The following ARMC9 variants were observed in gnomAD, a reference collection of about 807,000 sequenced individuals.
ARMC9 encodes the protein armadillo repeat containing 9.
Under a neutral mutation model 107.0 loss-of-function variants are expected in ARMC9, and 94 were observed. The observed-to-expected ratio is 0.88, with a 90% CI of 0.74 to 1.04. The LOEUF is 1.04. ARMC9 is among the 50% of genes least tolerant of loss of function. ARMC9 has a pLI of 0.00. For synonymous variants in ARMC9, 380 were observed against 396.9 expected (o/e 0.96, Z 0.51); for missense variants, 942 against 1,030.1 (o/e 0.91, Z 1.17).
chr2:231,347,354 T>C lies in ARMC9; in HGVS notation c.1994+2264T>C, dbSNP rs144134877. 1.4e-4 allele frequency among the ~76,000 whole-genome samples: 21 copies of C among 152,212 alleles called. 1 individual carries two copies. The East Asian group carries it at 3.9e-3, about 28-fold the overall frequency. The stretch of plus-strand genomic sequence containing the variant: ...GTTCTCATTGCTGGGGTTGCAGAAA[T>C]CAATAAGATGTGACTCCCTGCCCTC... On this transcript the variant is annotated intron_variant, in intron 21 of 24. Coordinates refer to ENST00000611582, the MANE Select transcript of ARMC9 (RefSeq NM_001352754.2).
chr2:231,307,944 C>G (rs968895047), intron 19 of ARMC9, among the ~76,000 whole-genome samples: 1 of 152,234 alleles, frequency 6.6e-6, no homozygotes, highest in Non-Finnish European at 1.5e-5. Flanking sequence ...TGAGGAGCAG[C>G]AGGAGCCAAG....
At chr2:231,222,138 T>C (rs1368790579) in intron 5 of ARMC9, among the ~76,000 whole-genome samples, 1 of 152,254 alleles carries the variant, frequency 6.6e-6, no homozygotes, top group Non-Finnish European at 1.5e-5. Flanking sequence ...TTACTTGTTA[T>C]GTTTTTTCTT....
Position 231,222,822 on chromosome 2 carries a change from T to G in ARMC9, c.597+2T>G, listed in dbSNP as rs2034281306. ...ACGCCAAAGCTTTTAACAATATATG[T>G]ATCCTTTTGAAGCAAATAGAGACCA... On this transcript the variant is annotated splice_donor_variant, in intron 6 of 24. Coordinates refer to ENST00000611582, the MANE Select transcript of ARMC9 (RefSeq NM_001352754.2). LOFTEE classifies it high-confidence loss of function. 5.1e-6 allele frequency: 8 copies of G among 1,559,956 alleles called. No individual in the cohort carries two copies. Among genetic ancestry groups the G allele is most frequent in the Non-Finnish European group, 7.0e-6 (8 of 1,139,148 alleles).
intron 9 of ARMC9, among the ~76,000 whole-genome samples, chr2:231,253,603 G>A (rs2037498162): frequency 6.6e-6 from 1 of 152,168 alleles, no homozygotes; most frequent in South Asian, 2.1e-4. Flanking sequence ...AGTTTATTGT[G>A]CAGGCATGTC....
rs567791936 is a variant in ARMC9, at chr2:231,376,181, A to G, written c.*4646A>G. Among the ~76,000 whole-genome samples the G allele has an allele frequency of 6.6e-6, 1 of 152,264 alleles. No individual in the cohort carries two copies. Among genetic ancestry groups the G allele is most frequent in the African/African-American group, 2.4e-5 (1 of 41,540 alleles). On this transcript the variant is annotated 3_prime_UTR_variant, in exon 25 of 25. Transcript: ENST00000611582. ...GCATTAACTGCACAAATTGTACAGC[A>G]TGTGTGTTTGCGCAATATGAAATCT...
chr2:231,286,280 T>G (rs1241656935), intron 17 of ARMC9, among the ~76,000 whole-genome samples: 2 of 152,098 alleles, frequency 1.3e-5, no homozygotes, highest in Admixed American at 1.3e-4. Flanking sequence ...CATGCCCGGC[T>G]AATGTTTGTA....
rs2034688969 is a variant in ARMC9 at position 231,226,802 on chromosome 2, A to G, written c.622+4A>G. ...GAGAATGGACAAAGTAACAAAGGTA[A>G]ATCATCTAGATTTAAATTTGTCTAA... On this transcript the variant is annotated splice_donor_region_variant and intron_variant, in intron 7 of 24. Transcript: ENST00000611582. 6.2e-7 allele frequency: 1 copy of G among 1,613,174 alleles called. No homozygotes were observed.
chr2:231,288,690 C>T (rs974372859), intron 17 of ARMC9: 1 of 471,042 alleles, frequency 2.1e-6, no homozygotes. Context: ...CGGTTGTGCC[C>T]ATTTTGCTGC....
chr2:231,226,837 T>C, intron 7 of ARMC9, 39 bp downstream of exon 7: 2 of 1,601,358 alleles, frequency 1.2e-6, no homozygotes. Context: ...AGAACAACTT[T>C]GCCAGTTCAG....
At chr2:231,201,021 C>T (rs1353360955) in intron 1 of ARMC9, among the ~76,000 whole-genome samples, 1 of 152,056 alleles carries the variant, frequency 6.6e-6, no homozygotes, top group African/African-American at 2.4e-5. Flanking sequence ...GGGGAATGGC[C>T]AGGAGTTCGC....
rs2039264950 is a variant in ARMC9 at position 231,270,900 on chromosome 2, G to A, written c.1120-82G>A. 2.6e-6 allele frequency: 3 copies of A among 1,162,890 alleles called. No homozygotes were observed. The South Asian group carries it at 3.9e-5, about 15-fold the overall frequency. The allele number at this position is 1,162,890 out of a possible 1,614,324, so 72.0% of individuals were successfully genotyped here. On this transcript the variant is annotated intron_variant, in intron 12 of 24. Coordinates refer to ENST00000611582, the MANE Select transcript of ARMC9 (RefSeq NM_001352754.2). ...TCTAATAAATTCAGGCAGAGGAAGA[G>A]AACTACCAGACCCGAAGAGGAGGCG...
Position 231,278,397 on chromosome 2 carries a change from C to T in ARMC9, c.1490C>T (p.Ala497Val), listed in dbSNP as rs150092118. 1,596 of 1,614,092 alleles carry T rather than the reference C, an allele frequency of 9.9e-4. 17 individuals are homozygous for T. In the African/African-American group the frequency reaches 0.018, roughly 19 times the overall value. Residue 497 changes from alanine to valine, a missense_variant, in exon 16 of 25, where the codon GCC becomes GTC. Ala to Val is a moderately conservative substitution (Grantham distance 64). Transcript: ENST00000611582. ...TTTCCCATAGGGAAGAACATGTGTG[C>T]CAAGGTGGCAGGCCTCGTGCTCAAA... is the stretch of plus-strand genomic sequence containing the variant. ...CLRSTGKNMC[A>V]KVAGLVLKVL...
At position 231,373,569 on chromosome 2, in the gene ARMC9, T is replaced by C. The variant is rs2046104590; in HGVS notation, c.*2034T>C. On this transcript the variant is annotated 3_prime_UTR_variant, in exon 25 of 25. Transcript: ENST00000611582. This position sits in a 1 kb window ranked among gnomAD's most constrained non-coding sequence, Gnocchi z 4.4. ...TTGAGGAGAAGAAAAGATAGTCTTT[T>C]AGAGAAGTGGGGAGTATCCAACTTA... 6.6e-6 allele frequency: 1 copy of C among 152,134 alleles called. No individual in the cohort carries two copies. Among genetic ancestry groups the C allele is most frequent in the South Asian group, 2.1e-4 (1 of 4,830 alleles). The allele number at this position is 152,134 out of a possible 1,614,324, so 9.4% of individuals were successfully genotyped here.
At chr2:231,363,496 T>C (rs946635903) in intron 23 of ARMC9, among the ~76,000 whole-genome samples, 11 of 152,012 alleles carry the variant, frequency 7.2e-5, no homozygotes, top group Non-Finnish European at 1.5e-5. Flanking sequence ...TAGCCCGGCT[T>C]TCAGGTGTTT....
chr2:231,359,087 T>C (rs548059475), intron 22 of ARMC9, among the ~76,000 whole-genome samples: 4 of 145,804 alleles, frequency 2.7e-5, no homozygotes, highest in African/African-American at 1.1e-4. Flanking sequence ...CTCCTGTTTT[T>C]TTTTTTTTTT....
chr2:231,355,132 A>T (rs572546122), intron 21 of ARMC9, among the ~76,000 whole-genome samples: 14 of 152,340 alleles, frequency 9.2e-5, no homozygotes, highest in African/African-American at 3.4e-4. Context: ...TGAGCCCAGG[A>T]GTTCGAGACC....
chr2:231,206,344 G>A, intron 2 of ARMC9, 55 bp downstream of exon 2: 1 of 1,468,876 alleles, frequency 6.8e-7, no homozygotes, highest in Non-Finnish European at 9.4e-7. Flanking sequence ...GAAAACTTGT[G>A]TTTTAAAATG....
In ARMC9 at chr2:231,348,897, C is replaced by T. The variant is rs535609546; in HGVS notation, c.1994+3807C>T. Among the ~76,000 whole-genome samples, 91 of 152,304 alleles carry T rather than the reference C, an allele frequency of 6.0e-4. 1 individual carries two copies. Among genetic ancestry groups the T allele is most frequent in the African/African-American group, 2.1e-3 (87 of 41,560 alleles). On this transcript the variant is annotated intron_variant, in intron 21 of 24. Transcript: ENST00000611582. ...CTACACTGAGATACCCTCTCACCCC[C>T]GTTAAAACGGCTTATCTCCAAAAGT...
intron 19 of ARMC9, among the ~76,000 whole-genome samples, chr2:231,317,657 A>T (rs74961851): frequency 0.027 from 4,122 of 152,046 alleles, 65 homozygotes; most frequent in Non-Finnish European, 0.042. Flanking sequence ...TGTCTAACAG[A>T]TTTCTGAGGA....
Sources: allele counts gnomAD v4.1 joint callset (sites outside exome capture counted in the v4.1 genomes callset), GRCh38; gene constraint gnomAD v4.1.1; non-coding constraint Gnocchi (gnomAD v3.1); transcripts MANE v1.5; gene names NCBI Gene and HGNC (gene_info 2026-07-23, HGNC 2026-07-21).